The following PTPRD variants were observed in gnomAD, a reference collection of about 807,000 sequenced individuals.
PTPRD encodes the protein receptor-type tyrosine-protein phosphatase delta.
In PTPRD, 34 loss-of-function variants were observed where a neutral mutation model predicts 214.5. That is an observed-to-expected ratio of 0.16 (90% CI 0.12 to 0.21). The LOEUF is 0.21. Among genes scored for constraint, PTPRD ranks in the 10% least tolerant of loss-of-function variants. The probability of loss-of-function intolerance (pLI) is 1.00; values close to 1 mark genes in which losing one functional copy is unlikely to be tolerated. For synonymous variants in PTPRD, 1,128 were observed against 845.7 expected, an observed-to-expected ratio of 1.33 and a Z score of -5.79; for missense variants, 2,545 against 2,398.7, an observed-to-expected ratio of 1.06 and a Z score of -1.27.
intron 8 of PTPRD, among the ~76,000 whole-genome samples, chr9:9,484,583 T>C (rs1466193601): frequency 6.6e-6 from 1 of 152,166 alleles, no homozygotes; most frequent in Non-Finnish European, 1.5e-5. Flanking sequence ...CATTTGTTTA[T>C]GGTTGTTATT....
At chr9:9,489,836 T>G (rs537497869) in intron 8 of PTPRD, among the ~76,000 whole-genome samples, 1 of 151,834 alleles carries the variant, frequency 6.6e-6, no homozygotes. Flanking sequence ...GATGAAAAAA[T>G]ATTTAATGAA....
intron 7 of PTPRD, among the ~76,000 whole-genome samples, chr9:9,628,699 G>C (rs1319362470): frequency 1.3e-5 from 2 of 151,986 alleles, no homozygotes; most frequent in South Asian, 2.1e-4. Flanking sequence ...GTAATCTTAA[G>C]AGGCAAGTGC....
chr9:8,511,542 G>C (rs2097682846), intron 21 of PTPRD, among the ~76,000 whole-genome samples: 1 of 151,114 alleles, frequency 6.6e-6, no homozygotes, highest in Admixed American at 6.6e-5. Context: ...CTGATTAACT[G>C]AACATAAATT....
intron 10 of PTPRD, among the ~76,000 whole-genome samples, chr9:9,087,485 A>G (rs1430700612): frequency 1.3e-5 from 2 of 152,142 alleles, no homozygotes; most frequent in African/African-American, 4.8e-5. Context: ...TCCATAAAGA[A>G]ATGTAGGTGG....
intron 3 of PTPRD, among the ~76,000 whole-genome samples, chr9:10,098,440 G>A (rs188315272): frequency 5.3e-5 from 8 of 151,216 alleles, no homozygotes; most frequent in Admixed American, 2.6e-4. Flanking sequence ...ACATGTATAC[G>A]TATGTAACAA....
At chr9:8,702,516 C>A (rs1254544007) in intron 12 of PTPRD, among the ~76,000 whole-genome samples, 1 of 152,174 alleles carries the variant, frequency 6.6e-6, no homozygotes, top group African/African-American at 2.4e-5. Flanking sequence ...ATAAAGCCAA[C>A]AAGGACAGTT....
chr9:9,411,419 G>C (rs2075394375), intron 8 of PTPRD, among the ~76,000 whole-genome samples: 2 of 152,090 alleles, frequency 1.3e-5, no homozygotes, highest in Admixed American at 6.5e-5. Flanking sequence ...CTGTGGGTTT[G>C]TGTGGAAATA....
At chr9:8,674,055 G>A (rs1006074448) in intron 12 of PTPRD, among the ~76,000 whole-genome samples, 1 of 152,156 alleles carries the variant, frequency 6.6e-6, no homozygotes, top group African/African-American at 2.4e-5. Context: ...GTGTCACATT[G>A]CTGGAGCTAA....
intron 11 of PTPRD, among the ~76,000 whole-genome samples, chr9:8,773,880 T>A (rs967809554): frequency 4.6e-5 from 7 of 152,204 alleles, no homozygotes; most frequent in Admixed American, 2.0e-4. Context: ...ACTGAGAAAG[T>A]CTTATTCATT....
chr9:8,750,101 C>CAAAA (rs560218570), intron 11 of PTPRD, among the ~76,000 whole-genome samples: 3 of 134,518 alleles, frequency 2.2e-5, no homozygotes, highest in African/African-American at 2.7e-5. Flanking sequence ...GACTCTGTCT[C>CAAAA]AAAAAAAAAA....
At chr9:9,647,227 GT>G (rs2096215212) in intron 7 of PTPRD, among the ~76,000 whole-genome samples, 1 of 151,724 alleles carries the variant, frequency 6.6e-6, no homozygotes, top group Non-Finnish European at 1.5e-5. Flanking sequence ...TGTGCCAGTT[GT>G]TTTTGTAGCC....
At chr9:9,567,475 A>G (rs1343944957) in intron 8 of PTPRD, among the ~76,000 whole-genome samples, 1 of 152,034 alleles carries the variant, frequency 6.6e-6, no homozygotes, top group Non-Finnish European at 1.5e-5. Flanking sequence ...GTGGATGTAA[A>G]CAATAACAAT....
intron 2 of PTPRD, among the ~76,000 whole-genome samples, chr9:10,513,170 G>A (rs144302522): frequency 0.019 from 2,839 of 151,758 alleles, 44 homozygotes; most frequent in South Asian, 0.035. Flanking sequence ...TTGGTTTTAT[G>A]ATTGTGTGTG....
At chr9:8,847,086 G>C (rs2097711332) in intron 11 of PTPRD, among the ~76,000 whole-genome samples, 1 of 151,884 alleles carries the variant, frequency 6.6e-6, no homozygotes. Flanking sequence ...TATCTATTTT[G>C]GTATCCTCGA....
At position 9,217,856 on chromosome 9, in the gene PTPRD, C is replaced by A. The variant is rs950919213; in HGVS notation, c.-202-34493G>T. 3.3e-5 allele frequency among the ~76,000 whole-genome samples: 5 copies of A among 152,064 alleles called. No individual in the cohort carries two copies. In the South Asian group the frequency reaches 6.2e-4, roughly 19 times the overall value. The stretch of plus-strand genomic sequence containing the variant: ...GTTTTCTGATAAAGTATTTCAGAAG[C>A]GGCTTCCTTTTTGAAGCCTTCTTGG... On this transcript the variant is annotated intron_variant, in intron 9 of 45. Coordinates refer to ENST00000381196, the MANE Select transcript of PTPRD (RefSeq NM_002839.4).
At position 8,317,893 on chromosome 9, in the gene PTPRD, A is replaced by G; in HGVS notation, c.5720T>C (p.Phe1907Ser). 1 of 1,612,368 alleles carries G rather than the reference A, an allele frequency of 6.2e-7. No individual in the cohort carries two copies. The highest frequency in any genetic ancestry group is 8.5e-7 in the Non-Finnish European group (1 of 1,178,764). ...YRAALEYLGS[F>S]DHYAT Reference sequence around the variant, plus strand: ...GGGTTTCTACGTTGCATAGTGGTCAAAGCTGCCCAGGTACTCTAGTGCGGC... The same window carrying G: ...GGGTTTCTACGTTGCATAGTGGTCAGAGCTGCCCAGGTACTCTAGTGCGGC... The change falls in exon 46 of 46, where the codon TTT becomes TCT. Residue 1907 changes from phenylalanine to serine, a missense_variant. Coordinates refer to ENST00000381196, the MANE Select transcript of PTPRD (RefSeq NM_002839.4).
At chr9:9,259,653 G>A (rs1325389431) in intron 9 of PTPRD, among the ~76,000 whole-genome samples, 3 of 151,898 alleles carry the variant, frequency 2.0e-5, no homozygotes, top group African/African-American at 7.2e-5. Context: ...TCACCTTTCA[G>A]GAAACTTAGT....
chr9:9,842,889 A>T (rs949382263), intron 5 of PTPRD, among the ~76,000 whole-genome samples: 7 of 152,032 alleles, frequency 4.6e-5, no homozygotes, highest in Admixed American at 2.6e-4. Context: ...TACTTGTGAT[A>T]TTCTATAAGT....
chr9:8,433,807 C>CT (rs1201866138), intron 35 of PTPRD, among the ~76,000 whole-genome samples: 3 of 152,040 alleles, frequency 2.0e-5, no homozygotes, highest in Non-Finnish European at 4.4e-5. Flanking sequence ...TTGAAATAAA[C>CT]TTTTAAAATA....
Sources: allele counts gnomAD v4.1 joint callset (sites outside exome capture counted in the v4.1 genomes callset), GRCh38; gene constraint gnomAD v4.1.1; transcripts MANE v1.5; gene names NCBI Gene and HGNC (gene_info 2026-07-23, HGNC 2026-07-21).